ANOS1: variants seen among roughly 807,000 people sequenced by gnomAD.
The protein encoded by ANOS1 is anosmin-1.
A neutral mutation model predicts 59.0 loss-of-function variants in ANOS1; 6 were observed. The observed-to-expected ratio is 0.10, with a 90% CI of 0.06 to 0.20. ANOS1 has a LOEUF of 0.20. Ranked by LOEUF, ANOS1 falls within the 10% of genes least tolerant of loss-of-function variation. The pLI, the probability that ANOS1 is intolerant of heterozygous loss-of-function variation, is 1.00. For synonymous variants in ANOS1, 217 were observed against 223.4 expected (o/e 0.97, Z 0.25); for missense variants, 433 against 542.3 (o/e 0.80, Z 2.00).
At chrX:8,689,796 G>C (rs1488401734) in intron 2 of ANOS1, among the ~76,000 whole-genome samples, 2 of 109,630 alleles carry the variant, frequency 1.8e-5, no homozygotes. Context: ...AAGAGAGAGA[G>C]AGAGAAAGAG....
chrX:8,590,972 C>A (rs1930606104), intron 4 of ANOS1, among the ~76,000 whole-genome samples: 1 of 111,590 alleles, frequency 9.0e-6, no homozygotes, highest in Non-Finnish European at 1.9e-5. Context: ...AAGATAAATA[C>A]CAGAAAATAA....
intron 2 of ANOS1, among the ~76,000 whole-genome samples, chrX:8,638,075 T>C (rs1158998559): frequency 8.9e-6 from 1 of 111,754 alleles, no homozygotes; most frequent in Non-Finnish European, 1.9e-5. Context: ...GTCAGCTCTC[T>C]GTTTTAGAGT....
chrX:8,699,164 A>G (rs1932726753), intron 2 of ANOS1, among the ~76,000 whole-genome samples: 2 of 111,742 alleles, frequency 1.8e-5, no homozygotes, highest in Admixed American at 9.6e-5. Flanking sequence ...TAAGAATTGT[A>G]TTATATCAAA....
At chrX:8,610,260 A>G (rs1420826769) in intron 3 of ANOS1, among the ~76,000 whole-genome samples, 2 of 110,987 alleles carry the variant, frequency 1.8e-5, no homozygotes, top group African/African-American at 6.6e-5. Flanking sequence ...AACTTTCTGA[A>G]GTCCTCTTGT....
intron 7 of ANOS1, among the ~76,000 whole-genome samples, chrX:8,570,074 C>T (rs772371249): frequency 9.4e-6 from 1 of 106,340 alleles, no homozygotes; most frequent in Non-Finnish European, 1.9e-5. Flanking sequence ...AGATTACAGA[C>T]GGAAACACTT....
intron 2 of ANOS1, among the ~76,000 whole-genome samples, chrX:8,656,843 G>A (rs1374255518): frequency 9.0e-6 from 1 of 111,731 alleles, no homozygotes; most frequent in Non-Finnish European, 1.9e-5. Flanking sequence ...CCAGACACAT[G>A]CTGAGGGAGT....
chrX:8,698,798 C>A (rs1015539451), intron 2 of ANOS1, among the ~76,000 whole-genome samples: 24 of 111,820 alleles, frequency 2.1e-4, no homozygotes, highest in Non-Finnish European at 4.0e-4. Context: ...ATCATTAGAA[C>A]AAAGTTTTTG....
At chrX:8,586,672 G>A (rs866204405) in intron 5 of ANOS1, among the ~76,000 whole-genome samples, 12 of 111,212 alleles carry the variant, frequency 1.1e-4, no homozygotes, top group South Asian at 3.7e-4. Context: ...AAAGCATGCC[G>A]TGTAAATCAA....
intron 3 of ANOS1, among the ~76,000 whole-genome samples, chrX:8,615,202 A>G (rs1931146030): frequency 8.9e-6 from 1 of 111,774 alleles, no homozygotes; most frequent in Admixed American, 9.5e-5. Context: ...AATGTTAATC[A>G]TTTTTAAAAA....
intron 2 of ANOS1, among the ~76,000 whole-genome samples, chrX:8,685,597 G>GAAGGGAGA (rs1418864805): frequency 1.7e-5 from 1 of 57,254 alleles, no homozygotes; most frequent in Non-Finnish European, 3.3e-5. Flanking sequence ...AGAAAGAAAG[G>GAAGGGAGA]AAGAAAGAAA....
chrX:8,643,084 A>G (rs1422862125), intron 2 of ANOS1, among the ~76,000 whole-genome samples: 2 of 111,987 alleles, frequency 1.8e-5, no homozygotes, highest in East Asian at 2.8e-4. Context: ...TTATGAGTCA[A>G]TTGAAACACA....
chrX:8,616,591 T>A (rs760833632), intron 3 of ANOS1, among the ~76,000 whole-genome samples: 1 of 111,289 alleles, frequency 9.0e-6, no homozygotes, highest in African/African-American at 3.3e-5. Flanking sequence ...AAACTTCTGG[T>A]CTATTCTTTC....
Position 8,585,362 on chromosome X carries a change from C to T in ANOS1, c.761G>A (p.Arg254Lys). ...TDERVQLTDIRPSRWYQFRVA... is the reference protein window; with the variant it reads ...TDERVQLTDIKPSRWYQFRVA... ...TCGAAACTGGTACCATCGGCTGGGT[C>T]TTATGTCAGTCAGTTGAACTCGCTC... The change falls in exon 6 of 14, where the codon AGA (arginine) becomes AAA (lysine). Residue 254 changes from arginine (R) to lysine (K), a missense_variant. Transcript: ENST00000262648. 1 of 1,211,324 alleles carries T rather than the reference C, an allele frequency of 8.3e-7. No individual in the cohort carries two copies. Among genetic ancestry groups the T allele is most frequent in the South Asian group, 1.8e-5 (1 of 57,006 alleles).
chrX:8,693,731 G>A (rs1048895108), intron 2 of ANOS1, among the ~76,000 whole-genome samples: 1 of 90,771 alleles, frequency 1.1e-5, no homozygotes, highest in South Asian at 5.4e-4. Context: ...AATATTGCAT[G>A]AATTTTTTTT....
At chrX:8,571,463 A>G (rs7064826) in intron 6 of ANOS1, among the ~76,000 whole-genome samples, 28,904 of 111,062 alleles carry the variant, frequency 0.26, 5,394 homozygotes, top group African/African-American at 0.66. Flanking sequence ...TGTAGCTAGC[A>G]ATTCTTGCAT....
intron 3 of ANOS1, among the ~76,000 whole-genome samples, chrX:8,619,370 C>G (rs1336650388): frequency 9.0e-6 from 1 of 111,563 alleles, no homozygotes; most frequent in Non-Finnish European, 1.9e-5. Context: ...CTTTGGGAGG[C>G]CAAGGCGGGC....
chrX:8,668,183 C>G (rs1200966940), intron 2 of ANOS1, among the ~76,000 whole-genome samples: 1 of 107,173 alleles, frequency 9.3e-6, no homozygotes, highest in African/African-American at 3.4e-5. Context: ...CCCTCACCCC[C>G]TTCTCACCCT....
chrX:8,570,384 G>A, intron 7 of ANOS1, 115 bp downstream of exon 7: 1 of 635,697 alleles, frequency 1.6e-6, no homozygotes, highest in Admixed American at 2.6e-5. Context: ...TGGGAGGGAA[G>A]CTTTCCTGCA....
At chrX:8,541,473 G>A in intron 9 of ANOS1, among the ~76,000 whole-genome samples, 1 of 103,679 alleles carries the variant, frequency 9.6e-6, no homozygotes, top group Non-Finnish European at 2.0e-5. Flanking sequence ...GGTAAGGGCA[G>A]TAGGGTGGAT....
Sources: allele counts gnomAD v4.1 joint callset (sites outside exome capture counted in the v4.1 genomes callset), GRCh38; gene constraint gnomAD v4.1.1; transcripts MANE v1.5; gene names NCBI Gene and HGNC (gene_info 2026-07-23, HGNC 2026-07-21).